TRAPPC9: variants seen among roughly 807,000 people sequenced by gnomAD.
TRAPPC9 encodes the protein trafficking protein particle complex subunit 9.
A neutral mutation model predicts 124.0 loss-of-function variants in TRAPPC9; 83 were observed. The observed-to-expected ratio is 0.67, with a 90% CI of 0.56 to 0.80. The LOEUF (loss-of-function observed/expected upper bound fraction) is 0.80. Ranked by LOEUF, TRAPPC9 falls within the 30% of genes least tolerant of loss-of-function variation. The pLI is 0.00. For synonymous variants in TRAPPC9, 638 were observed against 617.5 expected, an observed-to-expected ratio of 1.03 and a Z score of -0.49; for missense variants, 1,302 against 1,508.3, an observed-to-expected ratio of 0.86 and a Z score of 2.27.
intron 14 of TRAPPC9, among the ~76,000 whole-genome samples, chr8:140,283,461 AT>A (rs985845512): frequency 5.3e-4 from 77 of 145,060 alleles, no homozygotes; most frequent in Admixed American, 5.5e-4. Flanking sequence ...CGCCTGGCTA[AT>A]TTTTTTTTTT....
At chr8:140,014,788 G>T (rs574762237) in intron 18 of TRAPPC9, among the ~76,000 whole-genome samples, 1 of 152,168 alleles carries the variant, frequency 6.6e-6, no homozygotes, top group Non-Finnish European at 1.5e-5. Flanking sequence ...ACAGGACAAG[G>T]TGAGGAATGT....
intron 9 of TRAPPC9, among the ~76,000 whole-genome samples, chr8:140,340,361 C>A (rs1167461331): frequency 6.6e-6 from 1 of 152,174 alleles, no homozygotes; most frequent in Non-Finnish European, 1.5e-5. Flanking sequence ...TAACATTTCA[C>A]CAGAGAGATA....
chr8:140,265,058 A>C (rs6578089), intron 15 of TRAPPC9, among the ~76,000 whole-genome samples: 37,435 of 152,060 alleles, frequency 0.25, 5,033 homozygotes, highest in African/African-American at 0.35. Context: ...GGACAACCCG[A>C]AGCGACAGAG....
At chr8:140,369,706 C>G (rs1033418549) in intron 8 of TRAPPC9, among the ~76,000 whole-genome samples, 1 of 152,152 alleles carries the variant, frequency 6.6e-6, no homozygotes, top group African/African-American at 2.4e-5. Context: ...AATCCCAGCA[C>G]TTTGGGAGGC....
intron 21 of TRAPPC9, among the ~76,000 whole-genome samples, chr8:139,827,652 G>A (rs973602313): frequency 4.6e-5 from 7 of 152,250 alleles, no homozygotes; most frequent in African/African-American, 1.7e-4. Context: ...GTGAATGGAG[G>A]CTCTGAGAAG....
At chr8:140,262,959 G>C (rs2064480874) in intron 15 of TRAPPC9, among the ~76,000 whole-genome samples, 1 of 152,204 alleles carries the variant, frequency 6.6e-6, no homozygotes. Flanking sequence ...AGGACATCTG[G>C]GAGTGAGCAA....
chr8:139,910,384 T>A (rs1831648097), intron 19 of TRAPPC9, 84 bp from the exon 20 acceptor site: 2 of 1,299,900 alleles, frequency 1.5e-6, no homozygotes, highest in Non-Finnish European at 2.2e-6. Flanking sequence ...CATGCCAGCG[T>A]GAGACACTAT....
chr8:140,293,843 T>C (rs1460382323), intron 11 of TRAPPC9, among the ~76,000 whole-genome samples: 1 of 152,070 alleles, frequency 6.6e-6, no homozygotes, highest in Non-Finnish European at 1.5e-5. Context: ...TGTGCACATG[T>C]ACCCTAAAAC....
At chr8:139,971,752 C>T (rs1225364411) in intron 19 of TRAPPC9, among the ~76,000 whole-genome samples, 3 of 146,840 alleles carry the variant, frequency 2.0e-5, no homozygotes, top group Admixed American at 6.8e-5. Context: ...TATATATACA[C>T]ACACACACAC....
intron 20 of TRAPPC9, among the ~76,000 whole-genome samples, chr8:139,890,407 C>T (rs1383660694): frequency 1.3e-5 from 2 of 152,226 alleles, no homozygotes; most frequent in Non-Finnish European, 2.9e-5. Flanking sequence ...AACAGCCAGG[C>T]CCAAGGACAC....
At chr8:140,359,132 C>T (rs1223119024) in intron 9 of TRAPPC9, among the ~76,000 whole-genome samples, 1 of 152,214 alleles carries the variant, frequency 6.6e-6, no homozygotes, top group Non-Finnish European at 1.5e-5. Flanking sequence ...CAGGGCTCCC[C>T]GTGCAGCTGA....
At position 139,956,502 on chromosome 8, in the gene TRAPPC9, C is replaced by A. The variant is rs116105628; in HGVS notation, c.2810+32224G>T. Among the ~76,000 whole-genome samples, 396 of 152,328 alleles carry A rather than the reference C, an allele frequency of 2.6e-3. 3 individuals carry two copies. Among genetic ancestry groups the A allele is most frequent in the African/African-American group, 8.8e-3 (367 of 41,586 alleles). ...TGAGGCATGTGTCTCCATCAGCTGC[C>A]AGCATAGCGTCTCCTTGATGTTGGG... On this transcript the variant is annotated intron_variant, in intron 19 of 22. Transcript: ENST00000438773.
At chr8:139,987,564 AG>A (rs1837321106) in intron 19 of TRAPPC9, among the ~76,000 whole-genome samples, 5 of 152,178 alleles carry the variant, frequency 3.3e-5, no homozygotes, top group Non-Finnish European at 7.3e-5. Flanking sequence ...AGAGAGAGAG[AG>A]AGAAAGATCT....
chr8:139,959,753 G>C (rs1478931065), intron 19 of TRAPPC9, among the ~76,000 whole-genome samples: 1 of 152,236 alleles, frequency 6.6e-6, no homozygotes, highest in Non-Finnish European at 1.5e-5. Context: ...GAAGGGCGAA[G>C]GGAGCCACCC....
At chr8:139,874,285 T>C (rs1224256374) in intron 21 of TRAPPC9, among the ~76,000 whole-genome samples, 1 of 152,258 alleles carries the variant, frequency 6.6e-6, no homozygotes, top group African/African-American at 2.4e-5. Flanking sequence ...GGCTCAAATC[T>C]GGCCTTGGAC....
chr8:140,384,092 C>T (rs111502539), intron 7 of TRAPPC9, among the ~76,000 whole-genome samples: 2 of 152,018 alleles, frequency 1.3e-5, no homozygotes, highest in Non-Finnish European at 2.9e-5. Context: ...GAAATAAAAT[C>T]CTTTACAGAC....
intron 17 of TRAPPC9, among the ~76,000 whole-genome samples, chr8:140,121,611 C>T (rs1384371091): frequency 2.6e-5 from 4 of 152,170 alleles, no homozygotes; most frequent in East Asian, 1.9e-4. Flanking sequence ...CCTAGATTTT[C>T]CTGCCAATGT....
intron 17 of TRAPPC9, among the ~76,000 whole-genome samples, chr8:140,079,409 G>A (rs1438422938): frequency 6.6e-6 from 1 of 152,044 alleles, no homozygotes; most frequent in African/African-American, 2.4e-5. Context: ...TCCTTAACTT[G>A]ATGAGGCCCC....
intron 17 of TRAPPC9, among the ~76,000 whole-genome samples, chr8:140,037,879 A>AACACACACAC (rs10560088): frequency 1.9e-4 from 17 of 90,690 alleles, no homozygotes; most frequent in African/African-American, 5.3e-4. Flanking sequence ...ACACACCTCC[A>AACACACACAC]ACACACACAC....
Sources: gnomAD v4.1 joint callset for allele counts (sites outside exome capture counted in the v4.1 genomes callset) on GRCh38, gnomAD v4.1.1 for gene constraint, MANE v1.5 for transcripts, NCBI Gene and HGNC (gene_info 2026-07-23, HGNC 2026-07-21) for gene names.